The following MEGF9 variants were observed in gnomAD, a reference collection of about 807,000 sequenced individuals.
MEGF9 encodes multiple epidermal growth factor-like domains protein 9.
A neutral mutation model predicts 46.8 loss-of-function variants in MEGF9; 6 were observed. That is an observed-to-expected ratio of 0.13 (90% CI 0.07 to 0.25). The LOEUF (loss-of-function observed/expected upper bound fraction) is 0.25, where lower values mean the gene tolerates loss of function less well. MEGF9 is among the 10% of genes least tolerant of loss of function. The probability of loss-of-function intolerance (pLI) is 1.00; values close to 1 mark genes in which losing one functional copy is unlikely to be tolerated. For synonymous variants in MEGF9, 302 were observed against 330.7 expected, an observed-to-expected ratio of 0.91 and a Z score of 0.94; for missense variants, 683 against 792.4, an observed-to-expected ratio of 0.86 and a Z score of 1.66.
intron 1 of MEGF9, among the ~76,000 whole-genome samples, chr9:120,706,734 T>C (rs917594158): frequency 2.0e-5 from 3 of 151,960 alleles, no homozygotes; most frequent in East Asian, 1.9e-4. Flanking sequence ...ACTCTGGAGA[T>C]TGAGGTGAGA....
chr9:120,710,424 T>TAAAA (rs61674473), intron 1 of MEGF9, among the ~76,000 whole-genome samples: 12 of 99,968 alleles, frequency 1.2e-4, no homozygotes, highest in East Asian at 2.8e-4. Flanking sequence ...AACTCCGTCT[T>TAAAA]AAAAAAAAAA....
Position 120,714,403 on chromosome 9 carries a change from T to C in MEGF9, c.-45A>G. ...GTCAGTCATCTTCTCCTCGTTGCAA[T>C]CCGACCAAGGAAGCCTCCGCAACCG... On this transcript the variant is annotated 5_prime_UTR_variant, in exon 1 of 6. Transcript: ENST00000373930. 1.6e-6 allele frequency: 2 copies of C among 1,244,672 alleles called. No homozygotes were observed. Among genetic ancestry groups the C allele is most frequent in the Non-Finnish European group, 2.0e-6 (2 of 989,532 alleles). 77.1% of individuals were successfully genotyped at this position (1,244,672 alleles called of 1,614,324 possible). A position where few individuals can be genotyped will look rare whatever the true frequency, so the allele number is the denominator to read the frequency against.
intron 1 of MEGF9, among the ~76,000 whole-genome samples, chr9:120,674,762 G>T (rs1292434370): frequency 1.3e-5 from 2 of 151,980 alleles, no homozygotes; most frequent in Non-Finnish European, 2.9e-5. Flanking sequence ...AGAGACAGGG[G>T]TCTTGCTATG....
chr9:120,679,272 C>T (rs916422126), intron 1 of MEGF9, among the ~76,000 whole-genome samples: 13 of 152,164 alleles, frequency 8.5e-5, no homozygotes, highest in Non-Finnish European at 1.3e-4. Flanking sequence ...GGCACATATA[C>T]ACCATGGAAT....
intron 3 of MEGF9, among the ~76,000 whole-genome samples, chr9:120,619,888 GA>G (rs1183372707): frequency 6.6e-6 from 1 of 152,206 alleles, no homozygotes; most frequent in Non-Finnish European, 1.5e-5. Flanking sequence ...CAAAACAGTA[GA>G]GGGGGTGAAA....
intron 3 of MEGF9, among the ~76,000 whole-genome samples, chr9:120,621,005 G>C (rs1460217418): frequency 6.6e-6 from 1 of 152,094 alleles, no homozygotes; most frequent in Non-Finnish European, 1.5e-5. Context: ...TGTCAGACTA[G>C]TGTGTCCTGA....
At chr9:120,687,357 G>C (rs1264093367) in intron 1 of MEGF9, among the ~76,000 whole-genome samples, 2 of 152,108 alleles carry the variant, frequency 1.3e-5, no homozygotes, top group Non-Finnish European at 2.9e-5. Context: ...AGTATCATAA[G>C]GTACTCAGGT....
intron 3 of MEGF9, among the ~76,000 whole-genome samples, chr9:120,618,900 A>T (rs1221591642): frequency 2.0e-5 from 3 of 151,366 alleles, no homozygotes; most frequent in African/African-American, 7.3e-5. Context: ...TCGGTCTCAA[A>T]AAAAAAAAAA....
At chr9:120,634,950 C>T (rs565867700) in intron 2 of MEGF9, among the ~76,000 whole-genome samples, 29 of 152,066 alleles carry the variant, frequency 1.9e-4, no homozygotes, top group African/African-American at 7.0e-4. Context: ...TGATTATTGT[C>T]CTTTCACTTA....
chr9:120,682,369 A>AC (rs2043802329), intron 1 of MEGF9, among the ~76,000 whole-genome samples: 1 of 152,186 alleles, frequency 6.6e-6, no homozygotes. Flanking sequence ...TGAGCAACTT[A>AC]AAGGTTAGAA....
At chr9:120,647,962 CA>C (rs2043632917) in intron 2 of MEGF9, among the ~76,000 whole-genome samples, 1 of 152,122 alleles carries the variant, frequency 6.6e-6, no homozygotes. Flanking sequence ...GACAAGCAAC[CA>C]TTTAGTACTG....
At chr9:120,687,816 A>G (rs2043830304) in intron 1 of MEGF9, among the ~76,000 whole-genome samples, 1 of 151,630 alleles carries the variant, frequency 6.6e-6, no homozygotes, top group African/African-American at 2.4e-5. Flanking sequence ...GGAGGCTATG[A>G]TCATATTTAA....
chr9:120,647,976 T>A (rs922287334), intron 2 of MEGF9, among the ~76,000 whole-genome samples: 1 of 152,192 alleles, frequency 6.6e-6, no homozygotes, highest in Non-Finnish European at 1.5e-5. Context: ...TAGTACTGTA[T>A]ATTTTATCTT....
chr9:120,628,217 C>T (rs1473286478), intron 2 of MEGF9, among the ~76,000 whole-genome samples: 1 of 152,074 alleles, frequency 6.6e-6, no homozygotes, highest in Non-Finnish European at 1.5e-5. Context: ...ATAATAGTTT[C>T]TCCTCTTGTT....
At chr9:120,616,620 AGT>A (rs1478238303) in intron 3 of MEGF9, among the ~76,000 whole-genome samples, 1 of 147,182 alleles carries the variant, frequency 6.8e-6, no homozygotes, top group East Asian at 2.0e-4. Flanking sequence ...CGGAGCTTGC[AGT>A]GAGCCCAGAT....
Position 120,602,361 on chromosome 9 carries a change from G to A in MEGF9, c.*2829C>T, listed in dbSNP as rs1169032537. 6.6e-6 allele frequency: 1 copy of A among 152,570 alleles called. No homozygotes were observed. The highest frequency in any genetic ancestry group is 2.4e-5 in the African/African-American group (1 of 41,424). The allele number at this position is 152,570 out of a possible 1,614,324, so 9.5% of individuals were successfully genotyped here. On this transcript the variant is annotated 3_prime_UTR_variant, in exon 6 of 6. Coordinates refer to ENST00000373930, the MANE Select transcript of MEGF9 (RefSeq NM_001080497.3). ...TGCTGCCAGATGCCACAGTTTATGG[G>A]GCCCATGCCTTTAGAGGAAAGAACA...
chr9:120,643,521 T>TA (rs2043611861), intron 2 of MEGF9, among the ~76,000 whole-genome samples: 1 of 151,660 alleles, frequency 6.6e-6, no homozygotes, highest in African/African-American at 2.4e-5. Flanking sequence ...GGCTAAGAAT[T>TA]ACCATAAGGA....
chr9:120,694,441 A>T (rs1007367663), intron 1 of MEGF9, among the ~76,000 whole-genome samples: 1 of 152,282 alleles, frequency 6.6e-6, no homozygotes. Context: ...AATATGCAAT[A>T]AAAAGTACAG....
intron 1 of MEGF9, among the ~76,000 whole-genome samples, chr9:120,682,970 A>C (rs1434657023): frequency 1.3e-5 from 2 of 152,242 alleles, no homozygotes. Context: ...ATCTTGGGAA[A>C]ATACATGGGG....
Sources: allele counts gnomAD v4.1 joint callset (sites outside exome capture counted in the v4.1 genomes callset), GRCh38; gene constraint gnomAD v4.1.1; transcripts MANE v1.5; gene names NCBI Gene and HGNC (gene_info 2026-07-23, HGNC 2026-07-21).